Variants in GALNTL6 observed in about 807,000 individuals in gnomAD.
GALNTL6 encodes the protein polypeptide N-acetylgalactosaminyltransferase-like 6.
Under a neutral mutation model 73.7 loss-of-function variants are expected in GALNTL6, and 46 were observed. The observed-to-expected ratio is 0.62, with a 90% CI of 0.49 to 0.80. The LOEUF is 0.80. Among genes scored for constraint, GALNTL6 ranks in the 30% least tolerant of loss-of-function variants. The pLI, the probability that GALNTL6 is intolerant of heterozygous loss-of-function variation, is 0.00. For synonymous variants in GALNTL6, 259 were observed against 263.7 expected (o/e 0.98, Z 0.17); for missense variants, 604 against 755.0 (o/e 0.80, Z 2.34).
At chr4:173,022,110 A>AAG (rs1561091790) in intron 12 of GALNTL6, among the ~76,000 whole-genome samples, 2 of 86,268 alleles carry the variant, frequency 2.3e-5, no homozygotes, top group African/African-American at 9.1e-5. Flanking sequence ...AAGGAAGGAA[A>AAG]GAAGGAAGGA....
chr4:171,923,177 G>A (rs921065508), intron 2 of GALNTL6, among the ~76,000 whole-genome samples: 1 of 152,108 alleles, frequency 6.6e-6, no homozygotes. Flanking sequence ...CTTTAAAGCA[G>A]TTTTGTTCTC....
intron 7 of GALNTL6, among the ~76,000 whole-genome samples, chr4:172,856,033 A>G (rs976770119): frequency 2.0e-5 from 3 of 152,188 alleles, no homozygotes; most frequent in African/African-American, 7.2e-5. Context: ...GTTGACCTTC[A>G]ACTGTCTCTT....
intron 8 of GALNTL6, among the ~76,000 whole-genome samples, chr4:172,891,838 G>T (rs954812852): frequency 2.6e-5 from 4 of 151,926 alleles, no homozygotes; most frequent in Admixed American, 1.3e-4. Context: ...TCATATTTTT[G>T]ATTCTTTTTT....
At chr4:172,156,287 C>T (rs1487949902) in intron 2 of GALNTL6, among the ~76,000 whole-genome samples, 3 of 152,072 alleles carry the variant, frequency 2.0e-5, no homozygotes, top group Admixed American at 6.6e-5. Context: ...TGGCCTTGAG[C>T]CTTGGGGCTG....
chr4:172,546,396 T>C (rs1735752582), intron 5 of GALNTL6, among the ~76,000 whole-genome samples: 1 of 152,042 alleles, frequency 6.6e-6, no homozygotes, highest in Non-Finnish European at 1.5e-5. Context: ...CCATGATAGT[T>C]ATACTAAAAG....
At chr4:172,986,674 C>A (rs1174650680) in intron 10 of GALNTL6, among the ~76,000 whole-genome samples, 2 of 152,136 alleles carry the variant, frequency 1.3e-5, no homozygotes, top group African/African-American at 4.8e-5. Flanking sequence ...ATGGGCTATG[C>A]TCCTATAAGT....
intron 2 of GALNTL6, among the ~76,000 whole-genome samples, chr4:172,204,696 T>A (rs1267746603): frequency 6.6e-6 from 1 of 152,176 alleles, no homozygotes; most frequent in Non-Finnish European, 1.5e-5. Context: ...GTAAAATTTA[T>A]GAACCCTTTT....
At chr4:172,400,940 C>T (rs182000716) in intron 5 of GALNTL6, among the ~76,000 whole-genome samples, 223 of 152,102 alleles carry the variant, frequency 1.5e-3, no homozygotes, top group African/African-American at 5.1e-3. Flanking sequence ...TGAAATGAAA[C>T]CTAGGTCCAA....
chr4:171,950,482 C>CT (rs149650644), intron 2 of GALNTL6, among the ~76,000 whole-genome samples: 59,921 of 140,846 alleles, frequency 0.43, 14,476 homozygotes, highest in Non-Finnish European at 0.54. Flanking sequence ...CTTTTCTTTT[C>CT]TTTTTTTTTT....
chr4:172,669,929 C>G (rs1731881050), intron 5 of GALNTL6, among the ~76,000 whole-genome samples: 1 of 152,110 alleles, frequency 6.6e-6, no homozygotes, highest in Non-Finnish European at 1.5e-5. Context: ...ATTTGGTTTT[C>G]TGTTTCTGTA....
intron 5 of GALNTL6, among the ~76,000 whole-genome samples, chr4:172,495,088 G>A (rs1028130715): frequency 3.3e-5 from 5 of 152,168 alleles, no homozygotes; most frequent in African/African-American, 7.2e-5. Flanking sequence ...CCTAGGAAAG[G>A]TAGCTAAAGG....
intron 2 of GALNTL6, among the ~76,000 whole-genome samples, chr4:171,906,023 T>TA (rs1232038936): frequency 5.3e-5 from 8 of 151,852 alleles, no homozygotes; most frequent in Non-Finnish European, 1.0e-4. Flanking sequence ...TAGCACTAAA[T>TA]GCCCACAAGA....
intron 5 of GALNTL6, among the ~76,000 whole-genome samples, chr4:172,657,818 C>T (rs528909032): frequency 1.2e-4 from 19 of 152,212 alleles, no homozygotes; most frequent in African/African-American, 4.6e-4. Flanking sequence ...TATGTATAAA[C>T]CCACTCTCTA....
At chr4:172,010,760 A>G (rs1291777508) in intron 2 of GALNTL6, among the ~76,000 whole-genome samples, 2 of 152,094 alleles carry the variant, frequency 1.3e-5, no homozygotes, top group Admixed American at 6.6e-5. Context: ...AGTCAATATT[A>G]TAATCAAAGA....
At chr4:171,973,028 G>A (rs966484) in intron 2 of GALNTL6, among the ~76,000 whole-genome samples, 4,092 of 152,152 alleles carry the variant, frequency 0.027, 142 homozygotes, top group African/African-American at 0.076. Context: ...TTATTAAAGA[G>A]TATTCTATTT....
chr4:172,052,460 A>G (rs1472730590), intron 2 of GALNTL6: 1 of 1,535,168 alleles, frequency 6.5e-7, no homozygotes, highest in African/African-American at 1.4e-5. Flanking sequence ...AGCCAAGTTC[A>G]GAGCCGGAGC....
chr4:172,480,446 T>G (rs1465927946), intron 5 of GALNTL6, among the ~76,000 whole-genome samples: 1 of 152,244 alleles, frequency 6.6e-6, no homozygotes, highest in East Asian at 1.9e-4. Flanking sequence ...TTATTAGACC[T>G]ATGCTCAAAT....
intron 5 of GALNTL6, among the ~76,000 whole-genome samples, chr4:172,774,609 C>T (rs1481464682): frequency 6.6e-6 from 1 of 152,134 alleles, no homozygotes; most frequent in Non-Finnish European, 1.5e-5. Context: ...GTCAGTTGGG[C>T]TGGGGATTTT....
intron 2 of GALNTL6, among the ~76,000 whole-genome samples, chr4:171,956,313 A>G (rs907647534): frequency 2.0e-5 from 3 of 152,146 alleles, no homozygotes; most frequent in South Asian, 2.1e-4. Flanking sequence ...GCCATTTATT[A>G]GTACTTCAAA....
Sources: allele counts gnomAD v4.1 joint callset (sites outside exome capture counted in the v4.1 genomes callset), GRCh38; gene constraint gnomAD v4.1.1; transcripts MANE v1.5; gene names NCBI Gene and HGNC (gene_info 2026-07-23, HGNC 2026-07-21).